ASAP1: variants seen among roughly 807,000 people sequenced by gnomAD.
The protein encoded by ASAP1 is arf-GAP with SH3 domain, ANK repeat and PH domain-containing protein 1.
Under a neutral mutation model 145.2 loss-of-function variants are expected in ASAP1, and 43 were observed. The observed-to-expected ratio is 0.30, with a 90% CI of 0.23 to 0.38. The LOEUF is 0.38. Ranked by LOEUF, ASAP1 falls within the 10% of genes least tolerant of loss-of-function variation. The probability of loss-of-function intolerance (pLI) is 1.00; values close to 1 mark genes in which losing one functional copy is unlikely to be tolerated. For synonymous variants in ASAP1, 546 were observed against 515.5 expected (o/e 1.06, Z -0.80); for missense variants, 1,018 against 1,355.3 (o/e 0.75, Z 3.91).
intron 15 of ASAP1, among the ~76,000 whole-genome samples, chr8:130,131,429 A>G (rs1281119005): frequency 2.6e-5 from 4 of 151,884 alleles, no homozygotes; most frequent in African/African-American, 7.3e-5. Flanking sequence ...ATTACCTCCT[A>G]CAGCACTCAA....
intron 2 of ASAP1, among the ~76,000 whole-genome samples, chr8:130,381,177 C>T (rs904474775): frequency 6.6e-5 from 10 of 152,036 alleles, no homozygotes; most frequent in Non-Finnish European, 1.5e-4. Context: ...TGAGCCACTG[C>T]GCTCAGCCCC....
intron 1 of ASAP1, among the ~76,000 whole-genome samples, chr8:130,436,097 T>A (rs1014947252): frequency 5.3e-5 from 8 of 152,054 alleles, no homozygotes; most frequent in African/African-American, 1.9e-4. Context: ...AAAGAGAACA[T>A]TAGTATATTT....
intron 1 of ASAP1, among the ~76,000 whole-genome samples, chr8:130,436,141 TAAGGA>T: frequency 6.6e-6 from 1 of 151,922 alleles, no homozygotes; most frequent in East Asian, 1.9e-4. Flanking sequence ...ACAGAAACCC[TAAGGA>T]AAGAAAAGGA....
intron 24 of ASAP1, among the ~76,000 whole-genome samples, chr8:130,102,468 T>C (rs1181634208): frequency 1.3e-5 from 2 of 152,180 alleles, no homozygotes; most frequent in Non-Finnish European, 2.9e-5. Context: ...TGGTTTATTA[T>C]CTTTTGATGT....
chr8:130,383,224 T>A (rs923612560), intron 2 of ASAP1, among the ~76,000 whole-genome samples: 6 of 152,130 alleles, frequency 3.9e-5, no homozygotes, highest in Admixed American at 3.3e-4. Context: ...TTCTCAGAAT[T>A]CTCCCCCAAA....
At chr8:130,275,135 A>G (rs2137113241) in intron 3 of ASAP1, among the ~76,000 whole-genome samples, 1 of 152,356 alleles carries the variant, frequency 6.6e-6, no homozygotes, top group East Asian at 1.9e-4. Context: ...ATGAAATGAG[A>G]GCATATACAA....
At chr8:130,280,576 T>C (rs1246279833) in intron 3 of ASAP1, among the ~76,000 whole-genome samples, 5 of 152,246 alleles carry the variant, frequency 3.3e-5, no homozygotes, top group Non-Finnish European at 5.9e-5. Context: ...CCTACTGGAC[T>C]CTTCCAGCTT....
intron 2 of ASAP1, among the ~76,000 whole-genome samples, chr8:130,388,802 GA>G (rs1410853733): frequency 6.6e-6 from 1 of 152,178 alleles, no homozygotes; most frequent in Non-Finnish European, 1.5e-5. Flanking sequence ...GGGCTTGGGG[GA>G]GGGGATGAAA....
chr8:130,058,211 C>G, intron 28 of ASAP1, 135 bp from the exon 29 acceptor site: 1 of 945,824 alleles, frequency 1.1e-6, no homozygotes, highest in Non-Finnish European at 1.6e-6. Flanking sequence ...CCTTGAAGGG[C>G]GGGAAGAAGA....
At chr8:130,139,865 C>T (rs1337471188) in intron 13 of ASAP1, among the ~76,000 whole-genome samples, 9 of 149,706 alleles carry the variant, frequency 6.0e-5, no homozygotes, top group African/African-American at 2.2e-4. Flanking sequence ...ATCTAGATTT[C>T]TCCGGTGTTT....
At chr8:130,424,722 GGTGGCTCAGGCCTGTAATCCCAGC>G (rs1829849601) in intron 1 of ASAP1, among the ~76,000 whole-genome samples, 1 of 152,030 alleles carries the variant, frequency 6.6e-6, no homozygotes, top group Non-Finnish European at 1.5e-5. Context: ...GGCCAGGCGT[GGTGGCTCAGGCCTGTAATCCCAGC>G]ACTTTGGTAG....
At chr8:130,277,232 G>A (rs1462515442) in intron 3 of ASAP1, among the ~76,000 whole-genome samples, 1 of 152,162 alleles carries the variant, frequency 6.6e-6, no homozygotes, top group Middle Eastern at 3.2e-3. Flanking sequence ...CAGCGAGAAA[G>A]GGGAACCAGT....
chr8:130,413,713 C>T (rs553435784), intron 1 of ASAP1, among the ~76,000 whole-genome samples: 3 of 152,324 alleles, frequency 2.0e-5, no homozygotes, highest in African/African-American at 4.8e-5. Flanking sequence ...CAGCAGCCCA[C>T]TACCATCTAT....
intron 2 of ASAP1, among the ~76,000 whole-genome samples, chr8:130,370,755 T>C (rs1827174849): frequency 6.6e-6 from 1 of 152,192 alleles, no homozygotes; most frequent in Admixed American, 6.5e-5. Context: ...TGCTACAACA[T>C]GGATGAAACT....
At chr8:130,101,385 T>C (rs1348967224) in intron 24 of ASAP1, among the ~76,000 whole-genome samples, 2 of 152,230 alleles carry the variant, frequency 1.3e-5, no homozygotes, top group African/African-American at 4.8e-5. Flanking sequence ...ATGATCATTT[T>C]AACTGCATTA....
At chr8:130,321,312 T>G (rs1172252344) in intron 3 of ASAP1, among the ~76,000 whole-genome samples, 1 of 152,048 alleles carries the variant, frequency 6.6e-6, no homozygotes, top group Non-Finnish European at 1.5e-5. Flanking sequence ...ACAACTGATT[T>G]CAAATTCGGC....
chr8:130,391,603 C>T (rs527555638), intron 2 of ASAP1, among the ~76,000 whole-genome samples: 1 of 152,278 alleles, frequency 6.6e-6, no homozygotes, highest in South Asian at 2.1e-4. Flanking sequence ...TAGGCAGGTA[C>T]TAGGGGACAG....
intron 5 of ASAP1, among the ~76,000 whole-genome samples, chr8:130,204,123 GC>G (rs1816049235): frequency 6.6e-6 from 1 of 152,156 alleles, no homozygotes; most frequent in African/African-American, 2.4e-5. Flanking sequence ...ATTGAGCGAA[GC>G]TGAGTTCCGC....
At chr8:130,079,291 C>T (rs1388188934) in intron 26 of ASAP1, among the ~76,000 whole-genome samples, 1 of 152,160 alleles carries the variant, frequency 6.6e-6, no homozygotes, top group Non-Finnish European at 1.5e-5. Context: ...GCTCTCTGTC[C>T]TTTCCTTGGA....
Sources: gnomAD v4.1 joint callset for allele counts (sites outside exome capture counted in the v4.1 genomes callset) on GRCh38, gnomAD v4.1.1 for gene constraint, MANE v1.5 for transcripts, NCBI Gene and HGNC (gene_info 2026-07-23, HGNC 2026-07-21) for gene names.